Variants in BICD1 observed in about 807,000 individuals in gnomAD.
BICD1 encodes protein bicaudal D homolog 1.
BICD1 carries 35 observed loss-of-function variants against 92.5 expected under a neutral mutation model. The observed-to-expected ratio is 0.38, with a 90% CI of 0.29 to 0.50. The LOEUF (loss-of-function observed/expected upper bound fraction) is 0.50. Among genes scored for constraint, BICD1 ranks in the 20% least tolerant of loss-of-function variants. The probability of loss-of-function intolerance (pLI) is 0.93; values close to 1 mark genes in which losing one functional copy is unlikely to be tolerated. For missense variants in BICD1, 950 were observed against 1,189.8 expected, an observed-to-expected ratio of 0.80 and a Z score of 2.97; for synonymous variants, 429 against 465.1, an observed-to-expected ratio of 0.92 and a Z score of 1.00.
intron 2 of BICD1, among the ~76,000 whole-genome samples, chr12:32,272,448 C>G (rs1189919298): frequency 1.3e-5 from 2 of 152,258 alleles, no homozygotes; most frequent in Middle Eastern, 3.4e-3. Context: ...TCCTGAAGAC[C>G]TTTCTCTGGA....
intron 2 of BICD1, among the ~76,000 whole-genome samples, chr12:32,235,233 T>G (rs16919525): frequency 0.13 from 19,153 of 152,086 alleles, 1,997 homozygotes; most frequent in African/African-American, 0.28. Context: ...AAAACAGGTG[T>G]CCCACAAGCT....
At chr12:32,371,871 A>T (rs1223295647) in intron 9 of BICD1, among the ~76,000 whole-genome samples, 1 of 152,160 alleles carries the variant, frequency 6.6e-6, no homozygotes, top group Non-Finnish European at 1.5e-5. Context: ...TACAAGCATG[A>T]GCCACCACAC....
chr12:32,348,088 C>T (rs538462209), intron 8 of BICD1, among the ~76,000 whole-genome samples: 1 of 152,298 alleles, frequency 6.6e-6, no homozygotes, highest in South Asian at 2.1e-4. Context: ...GACCATGGTC[C>T]TATTCGTGTT....
At chr12:32,293,011 CTTG>C (rs1317678438) in intron 2 of BICD1, among the ~76,000 whole-genome samples, 5 of 151,974 alleles carry the variant, frequency 3.3e-5, no homozygotes, top group African/African-American at 7.2e-5. Flanking sequence ...GTAATACAAG[CTTG>C]TTGTTAAAAA....
intron 2 of BICD1, among the ~76,000 whole-genome samples, chr12:32,247,076 G>A (rs1946407627): frequency 6.6e-6 from 1 of 151,930 alleles, no homozygotes; most frequent in Non-Finnish European, 1.5e-5. Context: ...GGGCAACACA[G>A]CAAAACCTTG....
rs1946272860 is a variant in BICD1 at position 32,242,832 on chromosome 12, C to G, written c.426+26373C>G. Among the ~76,000 whole-genome samples the G allele has an allele frequency of 1.3e-5, 2 of 152,120 alleles. 1 individual carries two copies. The highest frequency in any genetic ancestry group is 1.3e-4 in the Admixed American group (2 of 15,266). ...CAGATTTTGCAAATGCATTCATTTT[C>G]TTATTTGCCAGGGTTTAACACTGGC... On this transcript the variant is annotated intron_variant, in intron 2 of 9. Coordinates refer to ENST00000652176, the MANE Select transcript of BICD1 (RefSeq NM_001714.4).
At chr12:32,127,849 G>A (rs750918883) in intron 1 of BICD1, among the ~76,000 whole-genome samples, 1 of 152,042 alleles carries the variant, frequency 6.6e-6, no homozygotes, top group Non-Finnish European at 1.5e-5. Flanking sequence ...CTCCAGCAAG[G>A]GAACTCAATT....
chr12:32,307,192 C>G (rs985544567), intron 4 of BICD1, among the ~76,000 whole-genome samples: 14 of 152,044 alleles, frequency 9.2e-5, no homozygotes, highest in Admixed American at 7.2e-4. Context: ...ATACTTGAAG[C>G]CTTAAAAGAC....
At chr12:32,294,822 C>A (rs540101352) in intron 3 of BICD1, among the ~76,000 whole-genome samples, 2 of 151,634 alleles carry the variant, frequency 1.3e-5, no homozygotes, top group Admixed American at 6.6e-5. Flanking sequence ...TGGTTCATGC[C>A]CGTAATCCCA....
rs144058356 is a variant in BICD1, at chr12:32,208,188, C to T, written c.214-8059C>T. Among the ~76,000 whole-genome samples the T allele has an allele frequency of 3.0e-3, 459 of 152,292 alleles. 2 individuals carry two copies. Among genetic ancestry groups the T allele is most frequent in the Non-Finnish European group, 5.5e-3 (372 of 68,030 alleles). The stretch of plus-strand genomic sequence containing the variant: ...GTAACTGAAACATAGAACTTAAAAA[C>T]CTTGCCAAACATTTCAGAGGAGGCA... On this transcript the variant is annotated intron_variant, in intron 1 of 9. Transcript: ENST00000652176.
chr12:32,344,179 C>A (rs1180203932), intron 8 of BICD1, among the ~76,000 whole-genome samples: 3 of 152,104 alleles, frequency 2.0e-5, no homozygotes, highest in Non-Finnish European at 4.4e-5. Flanking sequence ...AACGTCCTTC[C>A]AGAAGAAATG....
chr12:32,335,183 C>T (rs1388649886), intron 6 of BICD1, among the ~76,000 whole-genome samples: 1 of 150,734 alleles, frequency 6.6e-6, no homozygotes, highest in Non-Finnish European at 1.5e-5. Flanking sequence ...CGGAGTCTTA[C>T]TCTGTTGCCC....
chr12:32,175,158 C>T (rs904335708), intron 1 of BICD1, among the ~76,000 whole-genome samples: 2 of 152,072 alleles, frequency 1.3e-5, no homozygotes, highest in Admixed American at 1.3e-4. Context: ...CAAGGTAGAT[C>T]ATGTTTATCT....
intron 1 of BICD1, among the ~76,000 whole-genome samples, chr12:32,121,812 A>T (rs967571555): frequency 5.0e-5 from 7 of 140,280 alleles, no homozygotes; most frequent in African/African-American, 1.6e-4. Context: ...AGTTTGTCAA[A>T]TTTTTTTTTT....
chr12:32,259,586 A>G (rs1234902189), intron 2 of BICD1, among the ~76,000 whole-genome samples: 4 of 152,146 alleles, frequency 2.6e-5, no homozygotes, highest in Non-Finnish European at 5.9e-5. Flanking sequence ...CAGCCTCAAT[A>G]TGGGGCATTG....
chr12:32,158,839 C>T (rs1943518994), intron 1 of BICD1, among the ~76,000 whole-genome samples: 1 of 152,230 alleles, frequency 6.6e-6, no homozygotes, highest in African/African-American at 2.4e-5. Context: ...GGGCCTTGCA[C>T]AGCACTTGCC....
chr12:32,175,419 C>T (rs1243604126), intron 1 of BICD1, among the ~76,000 whole-genome samples: 1 of 152,120 alleles, frequency 6.6e-6, no homozygotes, highest in Non-Finnish European at 1.5e-5. Flanking sequence ...TGGGTTCAAA[C>T]GATTTTCCTG....
At chr12:32,239,923 T>A (rs1946189902) in intron 2 of BICD1, among the ~76,000 whole-genome samples, 1 of 152,138 alleles carries the variant, frequency 6.6e-6, no homozygotes, top group South Asian at 2.1e-4. Flanking sequence ...AAGCATTTTT[T>A]AATTAAGGTA....
At chr12:32,187,445 G>A (rs539821278) in intron 1 of BICD1, among the ~76,000 whole-genome samples, 8 of 152,188 alleles carry the variant, frequency 5.3e-5, no homozygotes, top group Admixed American at 4.6e-4. Context: ...AGGCCGAGGC[G>A]GGCAGATCAC....
Sources: allele counts gnomAD v4.1 joint callset (sites outside exome capture counted in the v4.1 genomes callset), GRCh38; gene constraint gnomAD v4.1.1; transcripts MANE v1.5; gene names NCBI Gene and HGNC (gene_info 2026-07-23, HGNC 2026-07-21).